The following MTPN variants were observed in gnomAD, a reference collection of about 807,000 sequenced individuals.
MTPN encodes the protein granule cell differentiation protein.
In MTPN, 2 loss-of-function variants were observed where a neutral mutation model predicts 13.5. The ratio of observed to expected loss-of-function variants is 0.15; its 90% CI spans 0.06 to 0.47. The LOEUF is 0.47. MTPN is among the 20% of genes least tolerant of loss of function. The pLI, the probability that MTPN is intolerant of heterozygous loss-of-function variation, is 0.97. For missense variants in MTPN, 79 were observed against 137.9 expected, an observed-to-expected ratio of 0.57 and a Z score of 2.14; for synonymous variants, 46 against 51.7, an observed-to-expected ratio of 0.89 and a Z score of 0.48.
intron 3 of MTPN, among the ~76,000 whole-genome samples, chr7:135,949,882 AAAC>A (rs1012951683): frequency 1.8e-4 from 27 of 152,348 alleles, no homozygotes; most frequent in African/African-American, 6.5e-4. Context: ...GAAATATTAT[AAAC>A]AACACTTTCC....
chr7:135,965,780 C>G (rs1799595128), intron 1 of MTPN, among the ~76,000 whole-genome samples: 1 of 152,022 alleles, frequency 6.6e-6, no homozygotes, highest in African/African-American at 2.4e-5. Flanking sequence ...AAATTTAGAG[C>G]TATTTCTAAG....
intron 3 of MTPN, among the ~76,000 whole-genome samples, chr7:135,950,315 T>A (rs1365100344): frequency 6.6e-6 from 1 of 152,182 alleles, no homozygotes; most frequent in African/African-American, 2.4e-5. Flanking sequence ...TTCTTCTATA[T>A]CATCAAGTAC....
rs772202221 is a variant in MTPN, at chr7:135,953,722, T to C, written c.73-2092A>G. Among the ~76,000 whole-genome samples the C allele has an allele frequency of 2.0e-5, 3 of 152,176 alleles. No homozygotes were observed. The East Asian group carries it at 5.8e-4, about 29-fold the overall frequency. On this transcript the variant is annotated intron_variant, in intron 1 of 3. Coordinates refer to ENST00000393085, the MANE Select transcript of MTPN (RefSeq NM_145808.4). The stretch of plus-strand genomic sequence containing the variant: ...ATTAAGGGAACTAAATTATAGAGTG[T>C]TTCCAAATTCCAGCCCACATGTGTA...
At chr7:135,961,505 A>G (rs1459693529) in intron 1 of MTPN, among the ~76,000 whole-genome samples, 1 of 151,904 alleles carries the variant, frequency 6.6e-6, no homozygotes, top group African/African-American at 2.4e-5. Flanking sequence ...ATATTTGGAG[A>G]GAGTTTGAGA....
chr7:135,939,577 G>GGC lies in MTPN; in HGVS notation c.271-9566_271-9565insGC, dbSNP rs1491179973. ...CATAAGGATTGGGGAAAATGGGGGC[G>GGC]GGGGGGGGGGGCGGGTGCGTGGGGC... On this transcript the variant is annotated intron_variant, in intron 3 of 3. Transcript: ENST00000393085. 3.4e-4 allele frequency among the ~76,000 whole-genome samples: 5 copies of GGC among 14,604 alleles called. 1 individual carries two copies. The South Asian group carries it at 7.7e-3, about 22-fold the overall frequency. The allele number at this position is 14,604 out of a possible 152,430, so 9.6% of individuals were successfully genotyped here.
rs1562927089 is a variant in MTPN at position 135,928,694 on chromosome 7, AT to A, written c.*1231del. 6.0e-6 allele frequency: 1 copy of A among 167,058 alleles called. No homozygotes were observed. Among genetic ancestry groups the A allele is most frequent in the Non-Finnish European group, 1.5e-5 (1 of 68,140 alleles). 10.3% of individuals were successfully genotyped at this position (167,058 alleles called of 1,614,324 possible). A position where few individuals can be genotyped will look rare whatever the true frequency, so the allele number is the denominator to read the frequency against. On this transcript the variant is annotated 3_prime_UTR_variant, in exon 4 of 4. Transcript: ENST00000393085. Reference sequence around the variant, plus strand: ...TATGTGTAAATATTTTCTGCAGGTCATAAGAACACCATTTTAGGGCACTGTA... The same window carrying A: ...TATGTGTAAATATTTTCTGCAGGTCAAAGAACACCATTTTAGGGCACTGTA...
chr7:135,931,032 C>T (rs748084884), intron 3 of MTPN, among the ~76,000 whole-genome samples: 17 of 152,188 alleles, frequency 1.1e-4, no homozygotes, highest in South Asian at 4.2e-4. Flanking sequence ...TCCAGTTAAC[C>T]GCTCCATGCT....
At chr7:135,942,774 G>A (rs1227412275) in intron 3 of MTPN, among the ~76,000 whole-genome samples, 1 of 152,178 alleles carries the variant, frequency 6.6e-6, no homozygotes, top group Non-Finnish European at 1.5e-5. Context: ...TAAGAAACTT[G>A]CTCAAACCCA....
intron 3 of MTPN, among the ~76,000 whole-genome samples, chr7:135,944,598 G>A (rs1168521077): frequency 1.1e-4 from 16 of 152,080 alleles, no homozygotes; most frequent in African/African-American, 3.6e-4. Context: ...TGTGAGCCGA[G>A]ATCACGCCAT....
chr7:135,950,363 TA>T (rs1799348197), intron 3 of MTPN, among the ~76,000 whole-genome samples: 1 of 152,018 alleles, frequency 6.6e-6, no homozygotes, highest in Non-Finnish European at 1.5e-5. Flanking sequence ...TGTGTGTGTG[TA>T]AAATATTTTC....
chr7:135,943,070 T>TGTAATAAGAAG (rs2116361244), intron 3 of MTPN, among the ~76,000 whole-genome samples: 1 of 152,318 alleles, frequency 6.6e-6, no homozygotes, highest in South Asian at 2.1e-4. Flanking sequence ...ATAAGACAAT[T>TGTAATAAGAAG]CAGTAAGGCA....
chr7:135,938,075 T>C (rs1423100549), intron 3 of MTPN, among the ~76,000 whole-genome samples: 2 of 152,210 alleles, frequency 1.3e-5, no homozygotes. Flanking sequence ...CCTAAACCCC[T>C]GCATTGTTCA....
chr7:135,977,182 G>A lies in MTPN; in HGVS notation c.-82C>T, dbSNP rs751773494. On this transcript the variant is annotated 5_prime_UTR_variant, in exon 1 of 4. Transcript: ENST00000393085. ...GCAAGCGGATGCCGCCGGGCGAGAG[G>A]GAGGCAGGGCCGCGCGAAGCCGGAG... The A allele has an allele frequency of 4.1e-4, 585 of 1,432,536 alleles. No individual in the cohort carries two copies. The highest frequency in any genetic ancestry group is 5.3e-4 in the Non-Finnish European group (540 of 1,018,818). The allele number at this position is 1,432,536 out of a possible 1,614,324, so 88.7% of individuals were successfully genotyped here.
intron 1 of MTPN, among the ~76,000 whole-genome samples, chr7:135,974,750 G>T (rs534717991): frequency 6.6e-6 from 1 of 152,230 alleles, no homozygotes; most frequent in East Asian, 1.9e-4. Flanking sequence ...GCACATTACA[G>T]AAACTCAAAA....
intron 1 of MTPN, among the ~76,000 whole-genome samples, chr7:135,970,350 T>C (rs758795193): frequency 4.6e-5 from 7 of 152,226 alleles, no homozygotes; most frequent in Non-Finnish European, 8.8e-5. Context: ...GATCTTTACC[T>C]TTCAGTCCTA....
At chr7:135,939,871 C>T (rs1427156785) in intron 3 of MTPN, among the ~76,000 whole-genome samples, 1 of 152,040 alleles carries the variant, frequency 6.6e-6, no homozygotes, top group Non-Finnish European at 1.5e-5. Context: ...TGCCTTGTAG[C>T]CAGCAGATGC....
At chr7:135,969,846 C>T (rs1261723665) in intron 1 of MTPN, among the ~76,000 whole-genome samples, 5 of 152,056 alleles carry the variant, frequency 3.3e-5, no homozygotes, top group African/African-American at 1.2e-4. Flanking sequence ...CAATAAAAAA[C>T]AGACCAACTA....
At position 135,927,059 on chromosome 7, in the gene MTPN, A is replaced by G. The variant is rs1798930848; in HGVS notation, c.*2867T>C. 2.9e-6 allele frequency: 1 copy of G among 347,192 alleles called. No individual in the cohort carries two copies. The highest frequency in any genetic ancestry group is 1.4e-4 in the South Asian group (1 of 7,360). 21.5% of individuals were successfully genotyped at this position (347,192 alleles called of 1,614,324 possible). On this transcript the variant is annotated 3_prime_UTR_variant, in exon 4 of 4. Transcript: ENST00000393085. ...CAATTGCTTATTTATGTAGGAGGGC[A>G]CTCTCACCAGCTTCTTCTATACACA...
intron 3 of MTPN, among the ~76,000 whole-genome samples, chr7:135,943,392 A>G (rs984814409): frequency 2.6e-5 from 4 of 152,228 alleles, no homozygotes; most frequent in African/African-American, 9.6e-5. Flanking sequence ...TTCCCTGAGG[A>G]GTCAACAATG....
Sources: allele counts gnomAD v4.1 joint callset (sites outside exome capture counted in the v4.1 genomes callset), GRCh38; gene constraint gnomAD v4.1.1; transcripts MANE v1.5; gene names NCBI Gene and HGNC (gene_info 2026-07-23, HGNC 2026-07-21).